WDFY3: variants seen among roughly 807,000 people sequenced by gnomAD.
WDFY3 encodes the protein WD repeat and FYVE domain-containing protein 3.
WDFY3 carries 66 observed loss-of-function variants against 409.6 expected under a neutral mutation model. That is an observed-to-expected ratio of 0.16 (90% CI 0.13 to 0.20). The LOEUF is 0.20. WDFY3 is among the 10% of genes least tolerant of loss of function. The probability of loss-of-function intolerance (pLI) is 1.00; values close to 1 mark genes in which losing one functional copy is unlikely to be tolerated. For missense variants in WDFY3, 3,031 were observed against 4,298.1 expected, an observed-to-expected ratio of 0.71 and a Z score of 8.24; for synonymous variants, 1,521 against 1,537.1, an observed-to-expected ratio of 0.99 and a Z score of 0.25.
chr4:84,937,006 AAAAC>A (rs1053678751), intron 1 of WDFY3, among the ~76,000 whole-genome samples: 1 of 152,154 alleles, frequency 6.6e-6, no homozygotes, highest in Admixed American at 6.6e-5. Flanking sequence ...CAATCATTAG[AAAAC>A]AAACAACAAA....
chr4:84,955,232 G>A (rs1173332542), intron 1 of WDFY3, among the ~76,000 whole-genome samples: 1 of 151,346 alleles, frequency 6.6e-6, no homozygotes, highest in Admixed American at 6.6e-5. Context: ...GGGAGCGGGA[G>A]CTCCCAGTAA....
chr4:84,757,933 C>T (rs964144534), intron 32 of WDFY3, among the ~76,000 whole-genome samples: 5 of 152,156 alleles, frequency 3.3e-5, no homozygotes, highest in East Asian at 1.9e-4. Flanking sequence ...AATCCAAGCC[C>T]GTTGTGGCTG....
intron 21 of WDFY3, 64 bp downstream of exon 21, chr4:84,794,455 A>G: frequency 6.9e-7 from 1 of 1,443,834 alleles, no homozygotes; most frequent in Non-Finnish European, 9.5e-7. Context: ...CTTTTAAAAT[A>G]AATACAAAAA....
chr4:84,753,437 A>G (rs1450902475), intron 35 of WDFY3, among the ~76,000 whole-genome samples: 1 of 152,210 alleles, frequency 6.6e-6, no homozygotes, highest in Admixed American at 6.5e-5. Context: ...AAGGGAAATT[A>G]CTAACAAGGG....
intron 37 of WDFY3, 55 bp from the exon 38 acceptor site, chr4:84,741,976 C>T (rs1738515758): frequency 6.8e-7 from 1 of 1,460,958 alleles, no homozygotes. Context: ...CAACACAGGA[C>T]CAGATCCTCA....
intron 32 of WDFY3, among the ~76,000 whole-genome samples, chr4:84,760,318 T>C (rs1742320630): frequency 6.6e-6 from 1 of 152,138 alleles, no homozygotes; most frequent in Non-Finnish European, 1.5e-5. Context: ...GCTGGCCTCA[T>C]AAAATGAGTT....
intron 3 of WDFY3, among the ~76,000 whole-genome samples, chr4:84,892,407 T>A (rs1332948268): frequency 6.6e-6 from 1 of 152,126 alleles, no homozygotes; most frequent in Admixed American, 6.6e-5. Context: ...AAATACTTTT[T>A]AAAGTATTTT....
intron 22 of WDFY3, among the ~76,000 whole-genome samples, chr4:84,789,294 A>C (rs1403615916): frequency 6.6e-6 from 1 of 152,188 alleles, no homozygotes; most frequent in Non-Finnish European, 1.5e-5. Flanking sequence ...ATCAGGGACT[A>C]ATCTGGGTGA....
At chr4:84,769,878 C>T (rs1165037727) in intron 30 of WDFY3, among the ~76,000 whole-genome samples, 1 of 152,180 alleles carries the variant, frequency 6.6e-6, no homozygotes, top group Non-Finnish European at 1.5e-5. Context: ...GAAATTGCCA[C>T]AGCCACCTCA....
intron 24 of WDFY3, among the ~76,000 whole-genome samples, chr4:84,783,953 T>C (rs1747028885): frequency 1.3e-5 from 2 of 151,846 alleles, no homozygotes; most frequent in South Asian, 4.1e-4. Flanking sequence ...CTTGATATCC[T>C]TCCCCTTGGA....
intron 1 of WDFY3, among the ~76,000 whole-genome samples, chr4:84,935,111 T>C (rs1421355547): frequency 6.6e-6 from 1 of 152,200 alleles, no homozygotes; most frequent in East Asian, 1.9e-4. Context: ...AATTTAATTA[T>C]CCGTTCTCTT....
At chr4:84,725,545 T>C (rs1404820070) in intron 45 of WDFY3, among the ~76,000 whole-genome samples, 1 of 152,200 alleles carries the variant, frequency 6.6e-6, no homozygotes, top group Non-Finnish European at 1.5e-5. Context: ...AAAGTTTGTA[T>C]GTATATAGGT....
chr4:84,823,987 A>G (rs1238578379), intron 10 of WDFY3, among the ~76,000 whole-genome samples: 1 of 152,206 alleles, frequency 6.6e-6, no homozygotes, highest in Non-Finnish European at 1.5e-5. Flanking sequence ...TGTCCACTGT[A>G]GCTTTATTCC....
chr4:84,825,158 T>C (rs777727631), intron 10 of WDFY3, among the ~76,000 whole-genome samples: 1 of 152,170 alleles, frequency 6.6e-6, no homozygotes, highest in African/African-American at 2.4e-5. Flanking sequence ...TTAATTTTGC[T>C]GCATTATTAC....
intron 67 of WDFY3, among the ~76,000 whole-genome samples, chr4:84,676,041 C>T (rs1162946171): frequency 1.3e-5 from 2 of 151,970 alleles, no homozygotes; most frequent in African/African-American, 4.8e-5. Flanking sequence ...ATTCTTAAGG[C>T]ACAAAAAAGC....
intron 2 of WDFY3, among the ~76,000 whole-genome samples, chr4:84,927,837 T>C (rs1217362786): frequency 6.6e-6 from 1 of 152,234 alleles, no homozygotes; most frequent in Non-Finnish European, 1.5e-5. Context: ...AATTACCCAG[T>C]CTCAGGTATT....
chr4:84,683,945 G>A lies in WDFY3; in HGVS notation c.9724C>T (p.Arg3242Trp), dbSNP rs752518397. 1.9e-6 allele frequency: 3 copies of A among 1,585,920 alleles called. No individual in the cohort carries two copies. Among genetic ancestry groups the A allele is most frequent in the East Asian group, 2.3e-5 (1 of 44,022 alleles). Reference protein sequence around the residue: ...IVTGHSDGVVRFWRMEFLQVP... With the variant: ...IVTGHSDGVVWFWRMEFLQVP... Reference sequence around the variant, plus strand: ...AGTTTTTCTCTCAGTTCACTTACCCGAACCACTCCATCTGAGTGTCCTGTC... The same window carrying A: ...AGTTTTTCTCTCAGTTCACTTACCCAAACCACTCCATCTGAGTGTCCTGTC... Residue 3242 changes from arginine to tryptophan, a missense_variant and splice_region_variant, in exon 63 of 68, where the codon CGG becomes TGG. Transcript: ENST00000295888.
Position 84,808,402 on chromosome 4 carries a change from G to T in WDFY3, c.2361C>A (p.Ile787=), listed in dbSNP as rs745922917. 2.1e-5 allele frequency: 34 copies of T among 1,613,762 alleles called. No homozygotes were observed. The South Asian group carries it at 3.5e-4, about 17-fold the overall frequency. ...AAGACTCACTTGTCAGGCAAGGAGG[G>T]ATCTGTTCTGCACGACTACAGACAA... The part of the protein sequence containing the change: ...TDSFDSRAEQ[I]PPCLTSESSL... Residue 787 remains isoleucine, a synonymous_variant, in exon 15 of 68, where the codon ATC becomes ATA. Coordinates refer to ENST00000295888, the MANE Select transcript of WDFY3 (RefSeq NM_014991.6).
intron 1 of WDFY3, among the ~76,000 whole-genome samples, chr4:84,960,020 A>C (rs776009354): frequency 1.3e-5 from 2 of 152,194 alleles, no homozygotes. Context: ...GAAATAAGCA[A>C]ACTACCAAAA....
Sources: allele counts gnomAD v4.1 joint callset (sites outside exome capture counted in the v4.1 genomes callset), GRCh38; gene constraint gnomAD v4.1.1; transcripts MANE v1.5; gene names NCBI Gene and HGNC (gene_info 2026-07-23, HGNC 2026-07-21).